PTPRZ1: variants seen among roughly 807,000 people sequenced by gnomAD.
The protein encoded by PTPRZ1 is protein tyrosine phosphatase receptor type Z1.
A neutral mutation model predicts 214.1 loss-of-function variants in PTPRZ1; 82 were observed. The observed-to-expected ratio is 0.38, with a 90% confidence interval of 0.32 to 0.46. The LOEUF (loss-of-function observed/expected upper bound fraction) is 0.46. PTPRZ1 is among the 20% of genes least tolerant of loss of function. PTPRZ1 has a pLI of 1.00. For synonymous variants in PTPRZ1, 945 were observed against 987.9 expected (o/e 0.96, Z 0.81); for missense variants, 2,603 against 2,748.7 (o/e 0.95, Z 1.19).
Position 121,965,619 on chromosome 7 carries a change from AC to A in PTPRZ1, c.125-2331del, listed in dbSNP as rs1399073497. ...CAGTAATCCACCATCCTCTTTGCCA[AC>A]AAATTTAACCTAATCAAGGAAGCGA... On this transcript the variant is annotated intron_variant, in intron 2 of 29. Coordinates refer to ENST00000393386, the MANE Select transcript of PTPRZ1 (RefSeq NM_002851.3). 5.3e-5 allele frequency among the ~76,000 whole-genome samples: 8 copies of A among 152,160 alleles called. No individual in the cohort carries two copies. The East Asian group carries it at 1.3e-3, about 26-fold the overall frequency.
At chr7:121,988,894 T>TACTGTATTATAC in intron 8 of PTPRZ1, among the ~76,000 whole-genome samples, 1 of 152,124 alleles carries the variant, frequency 6.6e-6, no homozygotes, top group Admixed American at 6.5e-5. Flanking sequence ...TACAGTACAG[T>TACTGTATTATAC]AGGATTAGCA....
chr7:122,054,842 G>T (rs560642654), intron 26 of PTPRZ1, 99 bp from the exon 27 acceptor site: 12 of 1,227,124 alleles, frequency 9.8e-6, no homozygotes, highest in East Asian at 5.1e-5. Context: ...AAAAATTGGA[G>T]TTGAAATTTC....
chr7:121,900,624 C>G (rs1794928742), intron 1 of PTPRZ1, among the ~76,000 whole-genome samples: 1 of 152,168 alleles, frequency 6.6e-6, no homozygotes, highest in African/African-American at 2.4e-5. Flanking sequence ...TGGTTCATCT[C>G]TAGGATATAG....
chr7:121,947,324 A>G (rs1196314156), intron 2 of PTPRZ1, among the ~76,000 whole-genome samples: 1 of 152,048 alleles, frequency 6.6e-6, no homozygotes, highest in African/African-American at 2.4e-5. Flanking sequence ...GTACAAGTTG[A>G]AGAAGGTTAA....
chr7:121,920,914 G>C (rs1795578082), intron 1 of PTPRZ1, among the ~76,000 whole-genome samples: 1 of 151,942 alleles, frequency 6.6e-6, no homozygotes, highest in Non-Finnish European at 1.5e-5. Context: ...TAAAGAAATA[G>C]GTTACCAAAC....
chr7:122,019,095 T>C (rs1387487778), intron 12 of PTPRZ1, 29 bp from the exon 13 acceptor site: 1 of 1,572,456 alleles, frequency 6.4e-7, no homozygotes, highest in South Asian at 1.1e-5. Context: ...ACCTTAAATA[T>C]CAATTCTCTC....
At chr7:122,047,609 T>TGTGA (rs1455055120) in intron 23 of PTPRZ1, among the ~76,000 whole-genome samples, 1 of 151,626 alleles carries the variant, frequency 6.6e-6, no homozygotes, top group African/African-American at 2.4e-5. Flanking sequence ...GGTGGGTGTG[T>TGTGA]GTGAGTGTGT....
In PTPRZ1 at chr7:121,976,276, A is replaced by G. The variant is rs767876710; in HGVS notation, c.552+8A>G. On this transcript the variant is annotated splice_region_variant and intron_variant, in intron 5 of 29. Coordinates refer to ENST00000393386, the MANE Select transcript of PTPRZ1 (RefSeq NM_002851.3). ...TTATCCATTTTGTTTGAGGTAATAT[A>G]TATACACTTTACACTAATGTAATTC... is the stretch of plus-strand genomic sequence containing the variant. 33 of 1,509,774 alleles carry G rather than the reference A, an allele frequency of 2.2e-5. No individual in the cohort carries two copies. Among genetic ancestry groups the G allele is most frequent in the Admixed American group, 8.4e-5 (5 of 59,174 alleles). The allele number at this position is 1,509,774 out of a possible 1,614,324, so 93.5% of individuals were successfully genotyped here.
intron 2 of PTPRZ1, among the ~76,000 whole-genome samples, chr7:121,961,230 C>G (rs1353563154): frequency 6.6e-6 from 1 of 152,194 alleles, no homozygotes; most frequent in Non-Finnish European, 1.5e-5. Flanking sequence ...GCCTCCCTGC[C>G]TCTCACTGGT....
At chr7:121,988,677 C>T (rs1043755383) in intron 8 of PTPRZ1, among the ~76,000 whole-genome samples, 2 of 152,092 alleles carry the variant, frequency 1.3e-5, no homozygotes, top group African/African-American at 4.8e-5. Context: ...CCTTTGATTC[C>T]TTGATGAATG....
rs1474244161 is a variant in PTPRZ1 at position 122,023,725 on chromosome 7, AT to A, written c.4988+4458del. On this transcript the variant is annotated intron_variant, in intron 13 of 29. Coordinates refer to ENST00000393386, the MANE Select transcript of PTPRZ1 (RefSeq NM_002851.3). ...AATTTTATATATAATTATATATATT[AT>A]ATGTATAATTTTATATATAATTATA... 3.1e-3 allele frequency among the ~76,000 whole-genome samples: 216 copies of A among 69,430 alleles called. 5 individuals are homozygous for A. Among genetic ancestry groups the A allele is most frequent in the African/African-American group, 0.015 (200 of 13,300 alleles). The allele number at this position is 69,430 out of a possible 152,430, so 45.5% of individuals were successfully genotyped here.
chr7:122,045,314 T>C (rs1445765657), intron 23 of PTPRZ1, among the ~76,000 whole-genome samples: 1 of 152,130 alleles, frequency 6.6e-6, no homozygotes, highest in African/African-American at 2.4e-5. Context: ...TTTTGAAGAA[T>C]GAATATCTGG....
Position 121,997,887 on chromosome 7 carries a change from T to C in PTPRZ1, c.1121T>C (p.Ile374Thr). 1 of 1,604,720 alleles carries C rather than the reference T, an allele frequency of 6.2e-7. No individual in the cohort carries two copies. Among genetic ancestry groups the C allele is most frequent in the Non-Finnish European group, 8.5e-7 (1 of 1,172,350 alleles). ...CTAACATCTTTCTTTTAGGGTGCTA[T>C]TCTCAATAATTTGCTACCCAATATG... Reference protein sequence around the residue: ...LTDGYQDLGAILNNLLPNMSY... With the variant: ...LTDGYQDLGATLNNLLPNMSY... Residue 374 changes from isoleucine (I) to threonine (T), a missense_variant, in exon 10 of 30, where the codon ATT becomes ACT. Physicochemically the swap from Ile to Thr is moderately conservative, Grantham distance 89. Around this residue, in one of 6 missense-constraint regions of PTPRZ1, gnomAD observed 244 missense variants for 333.2 expected, o/e 0.73. Transcript: ENST00000393386.
At chr7:121,933,256 G>C (rs1308991619) in intron 2 of PTPRZ1, among the ~76,000 whole-genome samples, 1 of 151,462 alleles carries the variant, frequency 6.6e-6, no homozygotes, top group Non-Finnish European at 1.5e-5. Context: ...TTCTTTTCGA[G>C]TTGTTAGATC....
intron 1 of PTPRZ1, among the ~76,000 whole-genome samples, chr7:121,897,815 G>C (rs1794837532): frequency 6.6e-6 from 1 of 152,204 alleles, no homozygotes; most frequent in Admixed American, 6.5e-5. Context: ...CTAAGTGATT[G>C]TGGTGGCCAG....
intron 1 of PTPRZ1, among the ~76,000 whole-genome samples, chr7:121,903,177 CTTAA>C (rs1441741454): frequency 6.6e-6 from 1 of 152,102 alleles, no homozygotes; most frequent in Non-Finnish European, 1.5e-5. Context: ...GATAGCATCA[CTTAA>C]TTAAGGTTGG....
In PTPRZ1 at chr7:121,918,673, A is replaced by T. The variant is rs1321381978; in HGVS notation, c.59-9483A>T. ...TTCAGACATTCTTTAAAGTGCATAGACACTTTAAATTTTTTGAATATTTAA... is the reference window on the plus strand; with the variant it reads ...TTCAGACATTCTTTAAAGTGCATAGTCACTTTAAATTTTTTGAATATTTAA... On this transcript the variant is annotated intron_variant, in intron 1 of 29. Coordinates refer to ENST00000393386, the MANE Select transcript of PTPRZ1 (RefSeq NM_002851.3). Among the ~76,000 whole-genome samples the T allele has an allele frequency of 3.9e-5, 6 of 152,198 alleles. No homozygotes were observed. In the East Asian group the frequency reaches 9.7e-4, roughly 24 times the overall value.
At chr7:122,025,337 T>C (rs1799178597) in intron 13 of PTPRZ1, among the ~76,000 whole-genome samples, 1 of 150,230 alleles carries the variant, frequency 6.7e-6, no homozygotes, top group African/African-American at 2.4e-5. Context: ...TTTCTTTTTT[T>C]TTTTTTTTTG....
chr7:122,006,190 C>G (rs1394215750), intron 11 of PTPRZ1, among the ~76,000 whole-genome samples: 1 of 151,966 alleles, frequency 6.6e-6, no homozygotes, highest in Non-Finnish European at 1.5e-5. Flanking sequence ...ATATAGTGAT[C>G]AAATCAGAGT....
Sources: allele counts gnomAD v4.1 joint callset (sites outside exome capture counted in the v4.1 genomes callset), GRCh38; gene constraint gnomAD v4.1.1; regional missense constraint gnomAD v4.1.1; transcripts MANE v1.5; gene names NCBI Gene and HGNC (gene_info 2026-07-23, HGNC 2026-07-21).